Variants in ROBO2 observed in about 807,000 individuals in gnomAD.
ROBO2 encodes roundabout guidance receptor 2.
A neutral mutation model predicts 160.8 loss-of-function variants in ROBO2; 53 were observed. The ratio of observed to expected loss-of-function variants is 0.33; its 90% confidence interval spans 0.26 to 0.41. The LOEUF is 0.41. Among genes scored for constraint, ROBO2 ranks in the 10% least tolerant of loss-of-function variants. The pLI is 1.00. For missense variants in ROBO2, 1,577 were observed against 1,722.4 expected (o/e 0.92, Z 1.49); for synonymous variants, 664 against 611.7 (o/e 1.09, Z -1.26).
intron 2 of ROBO2, among the ~76,000 whole-genome samples, chr3:76,800,034 C>T (rs925506560): frequency 3.3e-5 from 5 of 152,108 alleles, no homozygotes; most frequent in South Asian, 2.1e-4. Context: ...CAAAGACCAA[C>T]GAAACAGAAT....
intron 2 of ROBO2, among the ~76,000 whole-genome samples, chr3:76,151,453 T>C (rs2072195446): frequency 6.6e-6 from 1 of 152,194 alleles, no homozygotes; most frequent in Admixed American, 6.6e-5. Flanking sequence ...ATTTTAAGAA[T>C]GCTCTTTTTA....
intron 2 of ROBO2, among the ~76,000 whole-genome samples, chr3:76,707,584 C>T (rs1047460439): frequency 5.3e-5 from 8 of 151,224 alleles, no homozygotes; most frequent in African/African-American, 1.2e-4. Context: ...ACAGGTACTA[C>T]GAGAGATCTT....
chr3:76,810,678 C>T (rs192580470), intron 2 of ROBO2, among the ~76,000 whole-genome samples: 174 of 152,136 alleles, frequency 1.1e-3, no homozygotes, highest in Admixed American at 1.9e-3. Context: ...TATCATTTTG[C>T]TGAGTATTTA....
chr3:76,693,299 AGT>A (rs1398930115), intron 2 of ROBO2, among the ~76,000 whole-genome samples: 2 of 149,992 alleles, frequency 1.3e-5, no homozygotes, highest in African/African-American at 2.4e-5. Flanking sequence ...ATCTATATGT[AGT>A]GTGTGTATAT....
intron 2 of ROBO2, among the ~76,000 whole-genome samples, chr3:76,205,558 A>G (rs981171292): frequency 6.6e-6 from 1 of 152,150 alleles, no homozygotes; most frequent in African/African-American, 2.4e-5. Flanking sequence ...GTCTTTCATT[A>G]TCTACTAAGA....
chr3:76,224,008 G>T (rs1704135862), intron 2 of ROBO2, among the ~76,000 whole-genome samples: 1 of 152,106 alleles, frequency 6.6e-6, no homozygotes, highest in African/African-American at 2.4e-5. Flanking sequence ...TCACTGCTTT[G>T]CATTTTTATA....
At chr3:76,234,418 C>A (rs2107485677) in intron 2 of ROBO2, among the ~76,000 whole-genome samples, 1 of 152,148 alleles carries the variant, frequency 6.6e-6, no homozygotes. Context: ...TGGGTTGGTG[C>A]AATAGTAATT....
At chr3:77,076,208 T>C (rs1224261484) in intron 1 of ROBO2, among the ~76,000 whole-genome samples, 1 of 152,178 alleles carries the variant, frequency 6.6e-6, no homozygotes, top group Non-Finnish European at 1.5e-5. Flanking sequence ...TATCATAAAG[T>C]ATATAAATTC....
intron 2 of ROBO2, among the ~76,000 whole-genome samples, chr3:76,635,081 G>A (rs1000696656): frequency 1.3e-5 from 2 of 152,144 alleles, no homozygotes; most frequent in African/African-American, 2.4e-5. Flanking sequence ...TGTCCCTAGC[G>A]CCAAAATGTC....
intron 2 of ROBO2, among the ~76,000 whole-genome samples, chr3:76,845,685 T>C (rs2068711731): frequency 2.0e-5 from 3 of 152,038 alleles, no homozygotes; most frequent in Non-Finnish European, 2.9e-5. Context: ...CAGTGCTTTA[T>C]ACTTTCTTCA....
chr3:76,765,928 C>T (rs899743144), intron 2 of ROBO2, among the ~76,000 whole-genome samples: 6 of 151,642 alleles, frequency 4.0e-5, no homozygotes, highest in Non-Finnish European at 5.9e-5. Flanking sequence ...ATCAACCTAG[C>T]GTCAGGATTA....
At chr3:77,331,958 G>A (rs1335393686) in intron 2 of ROBO2, among the ~76,000 whole-genome samples, 3 of 151,988 alleles carry the variant, frequency 2.0e-5, no homozygotes, top group African/African-American at 2.4e-5. Flanking sequence ...CACCTGCCTC[G>A]GCCTCCCAAA....
chr3:77,376,912 T>C (rs2072762360), intron 2 of ROBO2, among the ~76,000 whole-genome samples: 1 of 152,202 alleles, frequency 6.6e-6, no homozygotes, highest in African/African-American at 2.4e-5. Flanking sequence ...TTAATTCAAA[T>C]ACCATCATTT....
chr3:76,203,149 A>G (rs1702619373), intron 2 of ROBO2, among the ~76,000 whole-genome samples: 2 of 150,916 alleles, frequency 1.3e-5, no homozygotes, highest in African/African-American at 4.9e-5. Context: ...TATGTCTTTC[A>G]AATCCCCCCC....
intron 2 of ROBO2, among the ~76,000 whole-genome samples, chr3:76,275,093 A>C (rs189389013): frequency 1.8e-4 from 28 of 152,286 alleles, no homozygotes; most frequent in Middle Eastern, 3.4e-3. Flanking sequence ...GATTGACAAC[A>C]GTAGACACAA....
intron 2 of ROBO2, among the ~76,000 whole-genome samples, chr3:76,082,501 C>G (rs1022383137): frequency 1.3e-5 from 2 of 152,012 alleles, no homozygotes; most frequent in Admixed American, 6.6e-5. Context: ...TGACTCTTAT[C>G]TGTATACAAA....
chr3:77,160,269 A>C, intron 2 of ROBO2, among the ~76,000 whole-genome samples: 1 of 152,206 alleles, frequency 6.6e-6, no homozygotes, highest in East Asian at 1.9e-4. Flanking sequence ...TACATATGGT[A>C]GCATTTTACG....
At chr3:77,426,723 A>C (rs2078250434) in intron 2 of ROBO2, among the ~76,000 whole-genome samples, 1 of 150,812 alleles carries the variant, frequency 6.6e-6, no homozygotes, top group South Asian at 2.1e-4. Flanking sequence ...GAAGGAAGGA[A>C]GGAAGGAAGG....
intron 2 of ROBO2, among the ~76,000 whole-genome samples, chr3:77,450,126 A>G (rs944494747): frequency 5.3e-5 from 8 of 152,132 alleles, no homozygotes; most frequent in Non-Finnish European, 8.8e-5. Flanking sequence ...GATACTCTCT[A>G]GACAGTTTTC....
Sources: gnomAD v4.1 joint callset for allele counts (sites outside exome capture counted in the v4.1 genomes callset) on GRCh38, gnomAD v4.1.1 for gene constraint, MANE v1.5 for transcripts, NCBI Gene and HGNC (gene_info 2026-07-23, HGNC 2026-07-21) for gene names.